MAP3K13: variants seen among roughly 807,000 people sequenced by gnomAD.
MAP3K13 encodes leucine zipper-bearing kinase.
MAP3K13 carries 52 observed loss-of-function variants against 104.0 expected under a neutral mutation model. That is an observed-to-expected ratio of 0.50 (90% CI 0.40 to 0.63). The LOEUF (loss-of-function observed/expected upper bound fraction) is 0.63, where lower values mean the gene tolerates loss of function less well. Ranked by LOEUF, MAP3K13 falls within the 20% of genes least tolerant of loss-of-function variation. The pLI, the probability that MAP3K13 is intolerant of heterozygous loss-of-function variation, is 0.00. For missense variants in MAP3K13, 914 were observed against 1,218.5 expected (o/e 0.75, Z 3.72); for synonymous variants, 394 against 442.2 (o/e 0.89, Z 1.37).
intron 1 of MAP3K13, among the ~76,000 whole-genome samples, chr3:185,414,700 A>G (rs1479717667): frequency 1.3e-5 from 2 of 152,212 alleles, no homozygotes; most frequent in African/African-American, 4.8e-5. Flanking sequence ...ATGCTCTTCA[A>G]CAGCCCTAAA....
At chr3:185,431,632 A>G (rs1714745964) in intron 2 of MAP3K13, among the ~76,000 whole-genome samples, 1 of 152,194 alleles carries the variant, frequency 6.6e-6, no homozygotes, top group Non-Finnish European at 1.5e-5. Context: ...TATTTATTTT[A>G]TAACTGAATT....
At chr3:185,400,332 G>C (rs1038105212) in intron 1 of MAP3K13, among the ~76,000 whole-genome samples, 14 of 152,068 alleles carry the variant, frequency 9.2e-5, no homozygotes, top group African/African-American at 3.4e-4. Flanking sequence ...TCCCTTCTTT[G>C]TACTTCAATA....
chr3:185,378,230 C>T lies in MAP3K13; in HGVS notation c.-86+14862C>T, dbSNP rs145300636. On this transcript the variant is annotated intron_variant, in intron 1 of 13. Coordinates refer to ENST00000265026, the MANE Select transcript of MAP3K13 (RefSeq NM_004721.5). ...TAATTTTTGGAGCTTTATTTAATAT[C>T]GGGAGCAGATTGGGTAATAAAATAA... Among the ~76,000 whole-genome samples, 1,392 of 152,194 alleles carry T rather than the reference C, an allele frequency of 9.1e-3. 9 individuals carry two copies. The highest frequency in any genetic ancestry group is 0.014 in the Non-Finnish European group (970 of 68,002).
intron 1 of MAP3K13, among the ~76,000 whole-genome samples, chr3:185,385,462 C>G (rs1711633524): frequency 6.6e-6 from 1 of 152,160 alleles, no homozygotes; most frequent in Non-Finnish European, 1.5e-5. Context: ...TGGGAACCAC[C>G]ATGCCTGGCT....
At chr3:185,295,093 GC>G in intron 2 of MAP3K13, among the ~76,000 whole-genome samples, 1 of 152,154 alleles carries the variant, frequency 6.6e-6, no homozygotes, top group African/African-American at 2.4e-5. Context: ...TTAGAATTCA[GC>G]CCCAAATCTT....
At chr3:185,286,920 G>C (rs1293366874) in intron 2 of MAP3K13, among the ~76,000 whole-genome samples, 1 of 152,020 alleles carries the variant, frequency 6.6e-6, no homozygotes, top group Non-Finnish European at 1.5e-5. Flanking sequence ...AAACAGCAAG[G>C]CTTTAGGATA....
In MAP3K13 at chr3:185,488,039, T is replaced by C. The variant is rs1718803670; in HGVS notation, c.*5583T>C. On this transcript the variant is annotated 3_prime_UTR_variant, in exon 14 of 14. Transcript: ENST00000265026. ...TTCCAATTGAAGGAACACCAATCACTGATGGATCCCATTCCAAAATGTCTC... is the reference window on the plus strand; with the variant it reads ...TTCCAATTGAAGGAACACCAATCACCGATGGATCCCATTCCAAAATGTCTC... 6.6e-6 allele frequency: 1 copy of C among 152,232 alleles called. No homozygotes were observed. The highest frequency in any genetic ancestry group is 1.5e-5 in the Non-Finnish European group (1 of 68,044). The allele number at this position is 152,232 out of a possible 1,614,324, so 9.4% of individuals were successfully genotyped here. A position where few individuals can be genotyped will look rare whatever the true frequency, so the allele number is the denominator to read the frequency against.
At chr3:185,474,912 T>C (rs1231609376) in intron 11 of MAP3K13, among the ~76,000 whole-genome samples, 1 of 152,004 alleles carries the variant, frequency 6.6e-6, no homozygotes, top group Non-Finnish European at 1.5e-5. Flanking sequence ...CTGGCCAGCA[T>C]GGTGAAATCC....
rs536769524 is a variant in MAP3K13, at chr3:185,354,022, G to C, written c.-86+68379G>C. Among the ~76,000 whole-genome samples the C allele has an allele frequency of 5.3e-5, 8 of 152,282 alleles. No homozygotes were observed. The East Asian group carries it at 1.6e-3, about 30-fold the overall frequency. On this transcript the variant is annotated intron_variant, in intron 2 of 14. Transcript: ENST00000424227. ...TGCAGCATTAGACCAGGCTGTGTTT[G>C]TGTAAGGACAAGCCTTTATTCCCTT...
chr3:185,419,889 A>G (rs1236873765), intron 1 of MAP3K13, among the ~76,000 whole-genome samples: 7 of 152,148 alleles, frequency 4.6e-5, no homozygotes, highest in Admixed American at 4.6e-4. Flanking sequence ...AAATTTATAG[A>G]CTACTACTCT....
intron 8 of MAP3K13, among the ~76,000 whole-genome samples, chr3:185,464,855 T>A (rs1717318456): frequency 6.6e-6 from 1 of 152,202 alleles, no homozygotes; most frequent in South Asian, 2.1e-4. Flanking sequence ...TCTTCATAGA[T>A]GGCACCTTCT....
At chr3:185,463,213 G>A (rs1034318614) in intron 7 of MAP3K13, among the ~76,000 whole-genome samples, 14 of 152,112 alleles carry the variant, frequency 9.2e-5, no homozygotes, top group African/African-American at 3.4e-4. Flanking sequence ...CTGGCCAGGC[G>A]ATCTCAGCCA....
At chr3:185,405,241 A>G (rs1396245478) in intron 1 of MAP3K13, among the ~76,000 whole-genome samples, 1 of 152,230 alleles carries the variant, frequency 6.6e-6, no homozygotes. Flanking sequence ...TAAGGTATAT[A>G]TGCATTATTT....
intron 2 of MAP3K13, among the ~76,000 whole-genome samples, chr3:185,298,516 CCTAA>C (rs1482537688): frequency 6.6e-6 from 1 of 152,070 alleles, no homozygotes; most frequent in Non-Finnish European, 1.5e-5. Context: ...TATACATTAT[CCTAA>C]CTAATTTAAA....
intron 1 of MAP3K13, among the ~76,000 whole-genome samples, chr3:185,414,762 A>G (rs1201545584): frequency 2.0e-5 from 3 of 152,240 alleles, no homozygotes; most frequent in Non-Finnish European, 4.4e-5. Flanking sequence ...TAAAATAAGT[A>G]TAGAATGTAT....
chr3:185,391,517 G>A (rs916510953), intron 1 of MAP3K13, among the ~76,000 whole-genome samples: 3 of 152,152 alleles, frequency 2.0e-5, no homozygotes, highest in Admixed American at 6.5e-5. Flanking sequence ...ATATAAAATA[G>A]TATAAAGAAA....
chr3:185,343,420 G>A (rs1722792734), intron 2 of MAP3K13, among the ~76,000 whole-genome samples: 4 of 152,004 alleles, frequency 2.6e-5, no homozygotes, highest in Admixed American at 2.6e-4. Flanking sequence ...TTCCTCCTCT[G>A]TGCTGCAAAC....
chr3:185,337,994 A>G (rs1253513370), intron 2 of MAP3K13, among the ~76,000 whole-genome samples: 1 of 152,176 alleles, frequency 6.6e-6, no homozygotes, highest in Admixed American at 6.5e-5. Context: ...ATAAACTATT[A>G]TCTGAAAAAT....
chr3:185,431,123 G>A (rs530582753), intron 2 of MAP3K13, among the ~76,000 whole-genome samples: 12 of 152,220 alleles, frequency 7.9e-5, no homozygotes, highest in East Asian at 7.7e-4. Context: ...GGGGAGATCC[G>A]CCCCATGATC....
Sources: gnomAD v4.1 joint callset for allele counts (sites outside exome capture counted in the v4.1 genomes callset) on GRCh38, gnomAD v4.1.1 for gene constraint, MANE v1.5 for transcripts, NCBI Gene and HGNC (gene_info 2026-07-23, HGNC 2026-07-21) for gene names.